TBC1D2B: variants seen among roughly 807,000 people sequenced by gnomAD.
TBC1D2B encodes the protein TBC1 domain family, member 2B.
In TBC1D2B, 64 loss-of-function variants were observed where a neutral mutation model predicts 100.8. The observed-to-expected ratio is 0.64, with a 90% CI of 0.52 to 0.78. TBC1D2B has a LOEUF of 0.78. Among genes scored for constraint, TBC1D2B ranks in the 30% least tolerant of loss-of-function variants. The probability of loss-of-function intolerance (pLI) is 0.00; values close to 1 mark genes in which losing one functional copy is unlikely to be tolerated. For missense variants in TBC1D2B, 1,052 were observed against 1,218.4 expected (o/e 0.86, Z 2.03); for synonymous variants, 480 against 479.7 (o/e 1.00, Z -0.01).
chr15:78,045,414 A>G (rs1394532924), intron 2 of TBC1D2B, among the ~76,000 whole-genome samples: 4 of 152,356 alleles, frequency 2.6e-5, no homozygotes, highest in South Asian at 4.1e-4. Context: ...ACCTGTACTG[A>G]TAAGAAACAA....
rs971960389 is a variant in TBC1D2B at position 78,077,233 on chromosome 15, T to C, written c.360+60A>G. ...AAGGAGGGTGGATGGCGCAAGCCAG[T>C]GGCGGAGGCAGGGGACGCCGGCGGA... On this transcript the variant is annotated intron_variant, in intron 1 of 12. Coordinates refer to ENST00000300584, the MANE Select transcript of TBC1D2B (RefSeq NM_144572.2). The C allele has an allele frequency of 1.0e-5, 14 of 1,403,102 alleles. No individual in the cohort carries two copies. In the African/African-American group the frequency reaches 1.2e-4, roughly 12 times the overall value. The allele number at this position is 1,403,102 out of a possible 1,614,324, so 86.9% of individuals were successfully genotyped here.
chr15:78,011,963 C>T lies in TBC1D2B; in HGVS notation c.2270+860G>A, dbSNP rs1022961866. ...CACACAGCCAATTTTTTTGTAGGGA[C>T]GGGGTTTCACCATGTTGCCCAGGCT... On this transcript the variant is annotated intron_variant, in intron 9 of 12. Coordinates refer to ENST00000300584, the MANE Select transcript of TBC1D2B (RefSeq NM_144572.2). 5.9e-5 allele frequency among the ~76,000 whole-genome samples: 9 copies of T among 151,608 alleles called. No individual in the cohort carries two copies. The South Asian group carries it at 6.3e-4, about 11-fold the overall frequency.
At chr15:78,026,275 G>T (rs1329554232) in intron 4 of TBC1D2B, among the ~76,000 whole-genome samples, 1 of 152,038 alleles carries the variant, frequency 6.6e-6, no homozygotes, top group African/African-American at 2.4e-5. Context: ...AGGTGATTAG[G>T]TCATGAGGAC....
At position 78,016,637 on chromosome 15, in the gene TBC1D2B, G is replaced by C; in HGVS notation, c.1684C>G (p.Arg562Gly). Residue 562 changes from arginine (R) to glycine (G), a missense_variant, in exon 8 of 13, where the codon CGG becomes GGG. This residue lies in a region of TBC1D2B where 373 missense variants were observed against 464.9 expected (regional missense o/e 0.80). Transcript: ENST00000300584. ...PVCSEDQGPTREVIAQLLEDA... is the reference protein window; with the variant it reads ...PVCSEDQGPTGEVIAQLLEDA... Reference sequence around the variant, plus strand: ...TCCAGCAACTGGGCTATGACCTCCCGGGTGGGCCCCTGGTCTTCTGAGCAC... The same window carrying C: ...TCCAGCAACTGGGCTATGACCTCCCCGGTGGGCCCCTGGTCTTCTGAGCAC... 1 of 1,612,768 alleles carries C rather than the reference G, an allele frequency of 6.2e-7. No homozygotes were observed. The highest frequency in any genetic ancestry group is 8.5e-7 in the Non-Finnish European group (1 of 1,179,368).
intron 6 of TBC1D2B, among the ~76,000 whole-genome samples, chr15:78,021,054 T>C (rs967596671): frequency 8.5e-5 from 13 of 152,130 alleles, no homozygotes; most frequent in East Asian, 3.8e-4. Context: ...CAGAAAAGGA[T>C]TGGAAGGAAA....
intron 10 of TBC1D2B, among the ~76,000 whole-genome samples, chr15:78,008,385 C>A (rs894408418): frequency 2.0e-5 from 3 of 152,236 alleles, no homozygotes; most frequent in Non-Finnish European, 2.9e-5. Flanking sequence ...AGCAGCAGGG[C>A]ATGGGTGCGG....
At position 78,025,305 on chromosome 15, in the gene TBC1D2B, T is replaced by C. The variant is rs1596314707; in HGVS notation, c.1040A>G (p.Gln347Arg). ...CTTTAACTGTTCCAGCTCTTCCTGCTGGCTCTGGACCTGCAGTTGCATTTC... is the reference window on the plus strand; with the variant it reads ...CTTTAACTGTTCCAGCTCTTCCTGCCGGCTCTGGACCTGCAGTTGCATTTC... ...ASEMQLQVQS[Q>R]QEELEQLKKD... The change falls in exon 5 of 13, where the codon CAG becomes CGG. Residue 347 changes from glutamine (Q) to arginine (R), a missense_variant. Gln to Arg is a conservative substitution (Grantham distance 43, BLOSUM62 1). This residue lies in a region of TBC1D2B where 627 missense variants were observed against 646.1 expected (regional missense o/e 0.97). Coordinates refer to ENST00000300584, the MANE Select transcript of TBC1D2B (RefSeq NM_144572.2). The C allele has an allele frequency of 1.2e-6, 2 of 1,613,928 alleles. No individual in the cohort carries two copies. Among genetic ancestry groups the C allele is most frequent in the Non-Finnish European group, 1.7e-6 (2 of 1,179,892 alleles).
chr15:78,040,888 G>A (rs28378910), intron 3 of TBC1D2B, among the ~76,000 whole-genome samples: 76,720 of 119,674 alleles, frequency 0.64, 22,021 homozygotes, highest in East Asian at 0.73. Context: ...GAAAGAGAGA[G>A]AGAGAGAAAG....
chr15:78,011,250 A>G (rs1336126439), intron 9 of TBC1D2B, among the ~76,000 whole-genome samples: 1 of 152,062 alleles, frequency 6.6e-6, no homozygotes, highest in Non-Finnish European at 1.5e-5. Context: ...TCTTAACCAA[A>G]TAACATTCCA....
chr15:78,004,788 A>G (rs930884702), intron 10 of TBC1D2B, among the ~76,000 whole-genome samples: 5 of 152,242 alleles, frequency 3.3e-5, no homozygotes, highest in Admixed American at 3.3e-4. Flanking sequence ...TGGTGTATAC[A>G]CAAAAAGCTG....
chr15:78,046,314 C>T (rs756934158), intron 2 of TBC1D2B, among the ~76,000 whole-genome samples: 13 of 152,104 alleles, frequency 8.5e-5, no homozygotes, highest in Admixed American at 3.3e-4. Flanking sequence ...TAGAATTATC[C>T]CATGCCGAAT....
At chr15:78,007,180 C>T (rs548317814) in intron 10 of TBC1D2B, among the ~76,000 whole-genome samples, 5 of 152,334 alleles carry the variant, frequency 3.3e-5, no homozygotes, top group East Asian at 1.9e-4. Context: ...AGAGAACACA[C>T]GCCCCATCAG....
chr15:78,025,757 A>ACGTTGTGATCCTTCCTCCT (rs1434502572), intron 4 of TBC1D2B: 1 of 204,410 alleles, frequency 4.9e-6, no homozygotes, highest in African/African-American at 2.3e-5. Flanking sequence ...TGATCTCCTG[A>ACGTTGTGATCCTTCCTCCT]CGTTGTGATC....
intron 10 of TBC1D2B, among the ~76,000 whole-genome samples, chr15:78,005,038 C>T (rs2072028965): frequency 6.6e-6 from 1 of 152,188 alleles, no homozygotes; most frequent in African/African-American, 2.4e-5. Context: ...ATTCATTCAG[C>T]CTGGAGTATC....
At chr15:78,022,705 A>G (rs540517470) in intron 6 of TBC1D2B, among the ~76,000 whole-genome samples, 46 of 149,584 alleles carry the variant, frequency 3.1e-4, no homozygotes, top group African/African-American at 1.1e-3. Flanking sequence ...GCAAGCCACC[A>G]TGCCTGGCCA....
intron 12 of TBC1D2B, among the ~76,000 whole-genome samples, chr15:78,000,573 G>C (rs2071886168): frequency 6.6e-6 from 1 of 152,212 alleles, no homozygotes; most frequent in African/African-American, 2.4e-5. Context: ...GGTGCTATTA[G>C]TAAGCCTGAA....
intron 1 of TBC1D2B, among the ~76,000 whole-genome samples, chr15:78,073,530 A>G (rs971689018): frequency 6.6e-6 from 1 of 152,214 alleles, no homozygotes; most frequent in Admixed American, 6.5e-5. Context: ...GGGCAGCCCT[A>G]AAGTGAAACA....
intron 1 of TBC1D2B, among the ~76,000 whole-genome samples, chr15:78,064,218 A>G (rs866371923): frequency 1.9e-4 from 29 of 152,150 alleles, no homozygotes; most frequent in African/African-American, 5.8e-4. Flanking sequence ...GCCAGCCAAC[A>G]TCCCTTATAC....
intron 1 of TBC1D2B, among the ~76,000 whole-genome samples, chr15:78,064,035 C>A (rs2073605747): frequency 6.6e-6 from 1 of 152,190 alleles, no homozygotes; most frequent in African/African-American, 2.4e-5. Context: ...TCTCTCATGG[C>A]TTCCAAGTGT....
Sources: gnomAD v4.1 joint callset for allele counts (sites outside exome capture counted in the v4.1 genomes callset) on GRCh38, gnomAD v4.1.1 for gene constraint, gnomAD v4.1.1 regional missense constraint, MANE v1.5 for transcripts, NCBI Gene and HGNC (gene_info 2026-07-23, HGNC 2026-07-21) for gene names.